The following FRMD4A variants were observed in gnomAD, a reference collection of about 807,000 sequenced individuals.
The protein encoded by FRMD4A is FERM domain-containing protein 4A.
A neutral mutation model predicts 129.1 loss-of-function variants in FRMD4A; 29 were observed. That is an observed-to-expected ratio of 0.22 (90% CI 0.17 to 0.31). FRMD4A has a LOEUF of 0.31. FRMD4A is among the 10% of genes least tolerant of loss of function. The pLI, the probability that FRMD4A is intolerant of heterozygous loss-of-function variation, is 1.00. For missense variants in FRMD4A, 1,272 were observed against 1,375.8 expected, an observed-to-expected ratio of 0.92 and a Z score of 1.19; for synonymous variants, 634 against 571.6, an observed-to-expected ratio of 1.11 and a Z score of -1.56.
chr10:14,237,230 G>A (rs1307730613), intron 2 of FRMD4A, among the ~76,000 whole-genome samples: 1 of 152,266 alleles, frequency 6.6e-6, no homozygotes, highest in South Asian at 2.1e-4. Flanking sequence ...TAGAATATGG[G>A]ATATGGGGTT....
intron 12 of FRMD4A, chr10:13,707,767 C>A: frequency 1.0e-6 from 1 of 985,396 alleles, no homozygotes; most frequent in Non-Finnish European, 1.2e-6. Context: ...CAAAGAAAAC[C>A]AAGAGTTCTG....
intron 2 of FRMD4A, among the ~76,000 whole-genome samples, chr10:13,979,342 G>T (rs80135905): frequency 0.032 from 4,828 of 152,226 alleles, 283 homozygotes; most frequent in African/African-American, 0.11. Context: ...AAGGGCAGGT[G>T]GGCCTAGAGT....
At chr10:13,890,738 C>G (rs545226873) in intron 2 of FRMD4A, 174 of 985,340 alleles carry the variant, frequency 1.8e-4, no homozygotes, top group Middle Eastern at 5.2e-4. Flanking sequence ...ATGGTGGGGT[C>G]AGGGAGTCCT....
chr10:14,252,422 A>C (rs1844470813), intron 2 of FRMD4A, among the ~76,000 whole-genome samples: 1 of 152,226 alleles, frequency 6.6e-6, no homozygotes, highest in Non-Finnish European at 1.5e-5. Flanking sequence ...TTTAGATTTC[A>C]TGTCTCTTTA....
At chr10:13,787,779 T>TGGGCATAGTTTTTGGCC (rs1298211390) in intron 5 of FRMD4A, among the ~76,000 whole-genome samples, 5 of 151,228 alleles carry the variant, frequency 3.3e-5, no homozygotes, top group African/African-American at 7.3e-5. Flanking sequence ...AGTTTTTGGC[T>TGGGCATAGTTTTTGGCC]GGGCATAGTT....
At chr10:14,160,569 A>G (rs976000307) in intron 2 of FRMD4A, among the ~76,000 whole-genome samples, 14 of 152,252 alleles carry the variant, frequency 9.2e-5, no homozygotes, top group African/African-American at 3.4e-4. Context: ...AGAATGTTCA[A>G]GGAACTCAAA....
chr10:13,696,000 C>T (rs2086193345), intron 14 of FRMD4A, among the ~76,000 whole-genome samples: 1 of 152,200 alleles, frequency 6.6e-6, no homozygotes, highest in Admixed American at 6.5e-5. Flanking sequence ...AGGCATGGCG[C>T]TTGTTTTCTT....
intron 2 of FRMD4A, among the ~76,000 whole-genome samples, chr10:14,322,341 C>T (rs1843093325): frequency 6.6e-6 from 1 of 152,150 alleles, no homozygotes; most frequent in Non-Finnish European, 1.5e-5. Context: ...CCACCACCAA[C>T]TAAGGTTGGG....
intron 12 of FRMD4A, among the ~76,000 whole-genome samples, chr10:13,733,950 C>G (rs1329869661): frequency 6.6e-6 from 1 of 152,174 alleles, no homozygotes; most frequent in Non-Finnish European, 1.5e-5. Flanking sequence ...TTTGGAAATT[C>G]TTGCTACTCC....
intron 24 of FRMD4A, chr10:13,647,731 GCT>G (rs1491395916): frequency 3.7e-5 from 4 of 106,670 alleles, no homozygotes; most frequent in African/African-American, 1.5e-4. Context: ...AAAATAAAAG[GCT>G]TTTTTTTTTT....
intron 2 of FRMD4A, among the ~76,000 whole-genome samples, chr10:14,182,607 G>C (rs954823170): frequency 2.0e-5 from 3 of 152,044 alleles, no homozygotes; most frequent in African/African-American, 7.2e-5. Context: ...GTGTGAAAGA[G>C]ACCCCCATCA....
At chr10:14,211,967 A>C (rs1414691767) in intron 2 of FRMD4A, among the ~76,000 whole-genome samples, 1 of 152,194 alleles carries the variant, frequency 6.6e-6, no homozygotes, top group Non-Finnish European at 1.5e-5. Flanking sequence ...TCTGTGATGG[A>C]GACCTGTGTG....
chr10:14,094,844 G>A (rs1361791493), intron 2 of FRMD4A, among the ~76,000 whole-genome samples: 1 of 152,208 alleles, frequency 6.6e-6, no homozygotes, highest in Non-Finnish European at 1.5e-5. Flanking sequence ...CCATGTGTGT[G>A]TATGCATGCC....
At chr10:14,246,611 G>A (rs998823322) in intron 2 of FRMD4A, among the ~76,000 whole-genome samples, 4 of 152,074 alleles carry the variant, frequency 2.6e-5, no homozygotes, top group Non-Finnish European at 4.4e-5. Context: ...ACATATGTGC[G>A]CACACACACG....
chr10:13,780,314 G>A lies in FRMD4A; in HGVS notation c.384+2608C>T, dbSNP rs141946919. Among the ~76,000 whole-genome samples the A allele has an allele frequency of 6.1e-3, 816 of 134,306 alleles. 10 individuals are homozygous for A. Among genetic ancestry groups the A allele is most frequent in the African/African-American group, 0.015 (572 of 38,960 alleles). 88.1% of individuals were successfully genotyped at this position (134,306 alleles called of 152,430 possible). On this transcript the variant is annotated intron_variant, in intron 6 of 24. Coordinates refer to ENST00000357447, the MANE Select transcript of FRMD4A (RefSeq NM_018027.5). ...TGTACTCCAGCCTGGGCAACAGAGT[G>A]AGACTGTGTCTCAAAAAAAAAAAAA...
At chr10:14,313,889 C>T (rs1306836622) in intron 2 of FRMD4A, among the ~76,000 whole-genome samples, 1 of 152,200 alleles carries the variant, frequency 6.6e-6, no homozygotes, top group Non-Finnish European at 1.5e-5. Flanking sequence ...ATATTCTTCC[C>T]TACAGGAAGA....
chr10:14,096,847 A>C (rs1836990166), intron 2 of FRMD4A, among the ~76,000 whole-genome samples: 1 of 152,136 alleles, frequency 6.6e-6, no homozygotes, highest in African/African-American at 2.4e-5. Context: ...AAGAACAAAA[A>C]AAGCAGGCCG....
Position 14,039,377 on chromosome 10 carries a change from TCCATCCATCCATCC to T in FRMD4A, c.46-180479_46-180466del, listed in dbSNP as rs1200257718. On this transcript the variant is annotated intron_variant, in intron 2 of 24. Coordinates refer to ENST00000357447, the MANE Select transcript of FRMD4A (RefSeq NM_018027.5). ...TCTGATCTGTCCGTCCGTCCATCCATCCATCCATCCATCCATCCATCCATCCATCCATCTATCTA... is the reference window on the plus strand; with the variant it reads ...TCTGATCTGTCCGTCCGTCCATCCATATCCATCCATCCATCCATCTATCTA... 2.3e-3 allele frequency among the ~76,000 whole-genome samples: 284 copies of T among 125,702 alleles called. 3 individuals are homozygous for T. The highest frequency in any genetic ancestry group is 6.4e-3 in the African/African-American group (189 of 29,640). The allele number at this position is 125,702 out of a possible 152,430, so 82.5% of individuals were successfully genotyped here.
chr10:14,330,829 A>G lies in FRMD4A; in HGVS notation c.-314T>C, dbSNP rs1843489600. The G allele has an allele frequency of 5.0e-6, 2 of 398,728 alleles. No individual in the cohort carries two copies. The highest frequency in any genetic ancestry group is 7.1e-5 in the East Asian group (2 of 28,068). 24.7% of individuals were successfully genotyped at this position (398,728 alleles called of 1,614,324 possible). A position where few individuals can be genotyped will look rare whatever the true frequency, so the allele number is the denominator to read the frequency against. ...TAGACTGGCCAGCTCAGCTCCCGGT[A>G]GGGCTAACATACTTAAGAGGAACAT... On this transcript the variant is annotated 5_prime_UTR_variant, in exon 1 of 25. Transcript: ENST00000357447.
Sources: gnomAD v4.1 joint callset for allele counts (sites outside exome capture counted in the v4.1 genomes callset) on GRCh38, gnomAD v4.1.1 for gene constraint, MANE v1.5 for transcripts, NCBI Gene and HGNC (gene_info 2026-07-23, HGNC 2026-07-21) for gene names.